Variants in ITPR3 observed in about 807,000 individuals in gnomAD.
The protein encoded by ITPR3 is inositol 1,4,5-trisphosphate-gated calcium channel ITPR3.
A neutral mutation model predicts 293.2 loss-of-function variants in ITPR3; 173 were observed. That is an observed-to-expected ratio of 0.59 (90% confidence interval 0.52 to 0.67). ITPR3 has a LOEUF of 0.67. Ranked by LOEUF, ITPR3 falls within the 30% of genes least tolerant of loss-of-function variation. The pLI is 0.00. For missense variants in ITPR3, 2,796 were observed against 3,592.1 expected, an observed-to-expected ratio of 0.78 and a Z score of 5.66; for synonymous variants, 1,295 against 1,444.4, an observed-to-expected ratio of 0.90 and a Z score of 2.35.
At chr6:33,630,221 C>A (rs2151278911) in intron 1 of ITPR3, among the ~76,000 whole-genome samples, 1 of 152,338 alleles carries the variant, frequency 6.6e-6, no homozygotes, top group South Asian at 2.1e-4. Context: ...GAGTTTCTGG[C>A]AAGGCGGGGT....
chr6:33,690,983 CG>C lies in ITPR3; in HGVS notation c.7100del (p.Arg2367ProfsTer5). The C allele has an allele frequency of 3.7e-6, 6 of 1,614,182 alleles. No individual in the cohort carries two copies. Among genetic ancestry groups the C allele is most frequent in the Non-Finnish European group, 5.1e-6 (6 of 1,180,036 alleles). ...NVIKSVTRNG[R>X]SILLTALLAL... ...CATCAAGAGTGTGACCCGCAATGGCCGCTCCATCCTGCTGACAGCCCTGCTG... is the reference window on the plus strand; with the variant it reads ...CATCAAGAGTGTGACCCGCAATGGCCCTCCATCCTGCTGACAGCCCTGCTG... On this transcript the variant is annotated frameshift_variant, in exon 52 of 58. Coordinates refer to ENST00000605930, the MANE Select transcript of ITPR3 (RefSeq NM_002224.4). LOFTEE classifies it high-confidence loss of function.
chr6:33,657,996 T>C lies in ITPR3; in HGVS notation c.347T>C (p.Val116Ala). The C allele has an allele frequency of 6.2e-7, 1 of 1,613,710 alleles. No homozygotes were observed. ...AACAAGAAGGTGCATGGGGATGTCG[T>C]GAAGTATGGCAGTGTGATCCAGGTG... is the stretch of plus-strand genomic sequence containing the variant. ...TENKKVHGDV[V>A]KYGSVIQLLH... is the part of the protein sequence containing the mutation. Residue 116 changes from valine to alanine, a missense_variant, in exon 4 of 58, where the codon GTG becomes GCG. Coordinates refer to ENST00000605930, the MANE Select transcript of ITPR3 (RefSeq NM_002224.4).
At position 33,695,091 on chromosome 6, in the gene ITPR3, C is replaced by T; in HGVS notation, c.7947+6C>T. On this transcript the variant is annotated splice_donor_region_variant and intron_variant, in intron 57 of 57. Coordinates refer to ENST00000605930, the MANE Select transcript of ITPR3 (RefSeq NM_002224.4). Reference sequence around the variant, plus strand: ...TCAACGAGCTCAAGGAGCAGGTGTGCACCCCGCCTGATCCCAGGCCCACCC... The same window carrying T: ...TCAACGAGCTCAAGGAGCAGGTGTGTACCCCGCCTGATCCCAGGCCCACCC... The T allele has an allele frequency of 2.5e-6, 4 of 1,612,876 alleles. No individual in the cohort carries two copies. The highest frequency in any genetic ancestry group is 3.4e-6 in the Non-Finnish European group (4 of 1,179,562).
In ITPR3 at chr6:33,668,560, C is replaced by T; in HGVS notation, c.1932C>T (p.Ala644=). The change falls in exon 17 of 58, where the codon GCC becomes GCT. Residue 644 remains alanine, a synonymous_variant. Transcript: ENST00000605930. ...LSDLCVSNHI[A]IPVTQELICK... ...ACCTGTGTGTGTCCAACCACATCGC[C>T]ATCCCCGTCACCCAAGAGCTCATCT... 3 of 1,614,248 alleles carry T rather than the reference C, an allele frequency of 1.9e-6. No individual in the cohort carries two copies.
chr6:33,680,681 G>A lies in ITPR3; in HGVS notation c.4476+1G>A, dbSNP rs1765049424. On this transcript the variant is annotated splice_donor_variant, in intron 33 of 57. Coordinates refer to ENST00000605930, the MANE Select transcript of ITPR3 (RefSeq NM_002224.4). LOFTEE classifies it high-confidence loss of function. ...CTCTGAGAACAGCACTTCCCTGCAG[G>A]TGAGCTTCTCCTCTCCCACCACCCC... The A allele has an allele frequency of 6.2e-7, 1 of 1,611,166 alleles. No homozygotes were observed. Among genetic ancestry groups the A allele is most frequent in the Non-Finnish European group, 8.5e-7 (1 of 1,177,536 alleles).
rs754945847 is a variant in ITPR3, at chr6:33,659,122, G to C, written c.627+3G>C. The C allele has an allele frequency of 3.9e-5, 63 of 1,613,406 alleles. No homozygotes were observed. The highest frequency in any genetic ancestry group is 5.3e-5 in the Non-Finnish European group (62 of 1,179,800). ...GCGACAACGCCGGCTGCAAGGAGGT[G>C]AGGGGGTGGGGGGTCAGCCATGCAG... On this transcript the variant is annotated splice_donor_region_variant and intron_variant, in intron 6 of 57. Coordinates refer to ENST00000605930, the MANE Select transcript of ITPR3 (RefSeq NM_002224.4).
In ITPR3 at chr6:33,640,493, T is replaced by C; in HGVS notation, c.99T>C (p.Asp33=). The C allele has an allele frequency of 6.2e-7, 1 of 1,613,592 alleles. No individual in the cohort carries two copies. The highest frequency in any genetic ancestry group is 8.5e-7 in the Non-Finnish European group (1 of 1,179,718). The change falls in exon 2 of 58, where the codon GAT becomes GAC. Residue 33 remains aspartate, a synonymous_variant. Coordinates refer to ENST00000605930, the MANE Select transcript of ITPR3 (RefSeq NM_002224.4). ...CTGCTTTGTTCCCCAGGCTGGTGGA[T>C]GACCGCTGTGTGGTGGAGCCCGCGG... is the stretch of plus-strand genomic sequence containing the variant. ...NGFISTLGLV[D]DRCVVEPAAG...
At position 33,668,512 on chromosome 6, in the gene ITPR3, C is replaced by T; in HGVS notation, c.1887-3C>T. On this transcript the variant is annotated splice_polypyrimidine_tract_variant and splice_region_variant and intron_variant, in intron 16 of 57. Transcript: ENST00000605930. ...TTCCCACCGCTGGCTGTCACCACCC[C>T]AGGTTCCTGGACTACCTCTCTGACC... 6.2e-7 allele frequency: 1 copy of T among 1,614,158 alleles called. No individual in the cohort carries two copies.
chr6:33,646,475 T>C (rs1469922617), intron 2 of ITPR3, among the ~76,000 whole-genome samples: 2 of 151,342 alleles, frequency 1.3e-5, no homozygotes, highest in African/African-American at 4.9e-5. Context: ...AGATTTTCCC[T>C]TTTCTTATAG....
rs1055202159 is a variant in ITPR3, at chr6:33,621,570, C to T, written c.-33C>T. On this transcript the variant is annotated 5_prime_UTR_variant, in exon 1 of 58. Coordinates refer to ENST00000605930, the MANE Select transcript of ITPR3 (RefSeq NM_002224.4). This position sits in a 1 kb window ranked among gnomAD's most constrained non-coding sequence, Gnocchi z 7.7. ...AGCTTGGCCACGCGCCCCTAGGCGCCCCCCACGCCCTGGGCCCCGGAGGGC... is the reference window on the plus strand; with the variant it reads ...AGCTTGGCCACGCGCCCCTAGGCGCTCCCCACGCCCTGGGCCCCGGAGGGC... 4 of 1,535,546 alleles carry T rather than the reference C, an allele frequency of 2.6e-6. No homozygotes were observed. The highest frequency in any genetic ancestry group is 2.7e-5 in the African/African-American group (2 of 73,264).
In ITPR3 at chr6:33,624,252, G is replaced by T. The variant is rs193017674; in HGVS notation, c.89+2561G>T. ...TTCCCTGTAGGCCCATCTAATGCTG[G>T]GCACCTTGCCAGGATTAACACCATT... On this transcript the variant is annotated intron_variant, in intron 1 of 57. Coordinates refer to ENST00000605930, the MANE Select transcript of ITPR3 (RefSeq NM_002224.4). This position sits in a 1 kb window ranked among gnomAD's most constrained non-coding sequence, Gnocchi z 4.7. 5.6e-4 allele frequency among the ~76,000 whole-genome samples: 86 copies of T among 152,290 alleles called. 1 individual carries two copies. Among genetic ancestry groups the T allele is most frequent in the Middle Eastern group, 6.8e-3 (2 of 294 alleles).
At chr6:33,631,041 A>T (rs1257883493) in intron 1 of ITPR3, among the ~76,000 whole-genome samples, 1 of 152,102 alleles carries the variant, frequency 6.6e-6, no homozygotes, top group Non-Finnish European at 1.5e-5. Flanking sequence ...CTATCTGGAG[A>T]AAGGGCCCCC....
rs1764568608 is a variant in ITPR3 at position 33,664,884 on chromosome 6, G to A, written c.1163G>A (p.Arg388Gln). The change falls in exon 12 of 58, where the codon CGG (arginine) becomes CAG (glutamine). Residue 388 changes from arginine to glutamine, a missense_variant. By Grantham distance (43) the Arg-to-Gln change is conservative (BLOSUM62 1). This residue lies in a region of ITPR3 where 955 missense variants were observed against 1,180.8 expected (regional missense o/e 0.81). Transcript: ENST00000605930. This position sits in a 1 kb window ranked among gnomAD's most constrained non-coding sequence, Gnocchi z 4.4. ...CCCACCTGCAGGAACTCGTACGTCC[G>A]GCTGCGGCACCTCTGCACCAACACG... ...DSFVPRNSYV[R>Q]LRHLCTNTWI... 6 of 1,613,688 alleles carry A rather than the reference G, an allele frequency of 3.7e-6. No individual in the cohort carries two copies. Among genetic ancestry groups the A allele is most frequent in the Non-Finnish European group, 3.4e-6 (4 of 1,180,004 alleles).
intron 39 of ITPR3, 66 bp from the exon 40 acceptor site, chr6:33,685,293 C>T (rs1765194797): frequency 1.4e-6 from 2 of 1,461,546 alleles, no homozygotes; most frequent in Non-Finnish European, 1.9e-6. Flanking sequence ...GGTGTGCCTG[C>T]CCCACGCCCT....
rs767808569 is a variant in ITPR3, at chr6:33,669,070, C to G, written c.2103C>G (p.Asn701Lys). 1 of 1,614,190 alleles carries G rather than the reference C, an allele frequency of 6.2e-7. No individual in the cohort carries two copies. The highest frequency in any genetic ancestry group is 1.1e-5 in the South Asian group (1 of 91,074). The change falls in exon 18 of 58, where the codon AAC (asparagine) becomes AAG (lysine). Residue 701 changes from asparagine to lysine, a missense_variant. Physicochemically the swap from Asn to Lys is moderately conservative, Grantham distance 94. This residue lies in a region of ITPR3 where 955 missense variants were observed against 1,180.8 expected (regional missense o/e 0.81). Transcript: ENST00000605930. ...GGCTCACGTGGACTGACAAGAATAA[C>G]GAGCATCATGAGAAGAGTGTGAGGC... The part of the protein sequence containing the change: ...EVWLTWTDKN[N>K]EHHEKSVRQL...
intron 41 of ITPR3, 88 bp from the exon 42 acceptor site, chr6:33,685,965 C>T: frequency 6.5e-7 from 1 of 1,533,590 alleles, no homozygotes. Context: ...GTTCCCCTAC[C>T]CCTGCAGCAC....
At chr6:33,634,987 C>T (rs891396547) in intron 1 of ITPR3, among the ~76,000 whole-genome samples, 1 of 152,136 alleles carries the variant, frequency 6.6e-6, no homozygotes, top group Non-Finnish European at 1.5e-5. Context: ...GGACTGCCGC[C>T]AGCCTCTCTT....
chr6:33,678,550 G>A lies in ITPR3; in HGVS notation c.3771+7G>A. 6.2e-7 allele frequency: 1 copy of A among 1,603,534 alleles called. No individual in the cohort carries two copies. Among genetic ancestry groups the A allele is most frequent in the Middle Eastern group, 1.7e-4 (1 of 5,888 alleles). ...CCTCTTCCTCACGCCAGGGGTGAGG[G>A]TGCAGGGCTGGGAGCACCTGGACGA... On this transcript the variant is annotated splice_region_variant and intron_variant, in intron 29 of 57. Transcript: ENST00000605930.
rs1427940072 is a variant in ITPR3, at chr6:33,655,343, G to T, written c.161-423G>T. On this transcript the variant is annotated intron_variant, in intron 2 of 57. Transcript: ENST00000605930. The surrounding 1 kb of genome is among the most constrained non-coding windows in gnomAD (Gnocchi z 4.9). ...GATAGGGGCTGCCCCTGGGAAGAGGGGTATGTCATTTCCCAGGCATCTGTG... is the reference window on the plus strand; with the variant it reads ...GATAGGGGCTGCCCCTGGGAAGAGGTGTATGTCATTTCCCAGGCATCTGTG... Among the ~76,000 whole-genome samples, 2 of 152,154 alleles carry T rather than the reference G, an allele frequency of 1.3e-5. No homozygotes were observed. Among genetic ancestry groups the T allele is most frequent in the Non-Finnish European group, 2.9e-5 (2 of 68,018 alleles).
Sources: allele counts gnomAD v4.1 joint callset (sites outside exome capture counted in the v4.1 genomes callset), GRCh38; gene constraint gnomAD v4.1.1; regional missense constraint gnomAD v4.1.1; non-coding constraint Gnocchi (gnomAD v3.1); transcripts MANE v1.5; gene names NCBI Gene and HGNC (gene_info 2026-07-23, HGNC 2026-07-21).